THSD4: variants seen among roughly 807,000 people sequenced by gnomAD.
THSD4 encodes thrombospondin type-1 domain-containing protein 4.
Under a neutral mutation model 119.0 loss-of-function variants are expected in THSD4, and 69 were observed. The observed-to-expected ratio is 0.58, with a 90% CI of 0.48 to 0.71. The LOEUF (loss-of-function observed/expected upper bound fraction) is 0.71, where lower values mean the gene tolerates loss of function less well. Ranked by LOEUF, THSD4 falls within the 30% of genes least tolerant of loss-of-function variation. The probability of loss-of-function intolerance (pLI) is 0.00; values close to 1 mark genes in which losing one functional copy is unlikely to be tolerated. For missense variants in THSD4, 1,393 were observed against 1,391.1 expected (o/e 1.00, Z -0.02); for synonymous variants, 524 against 540.4 (o/e 0.97, Z 0.42).
chr15:71,552,639 A>G (rs2048950128), intron 7 of THSD4, among the ~76,000 whole-genome samples: 1 of 152,176 alleles, frequency 6.6e-6, no homozygotes, highest in African/African-American at 2.4e-5. Context: ...GACTTTTCTC[A>G]TTTAAATGTT....
intron 6 of THSD4, among the ~76,000 whole-genome samples, chr15:71,277,142 T>TTTTTTTTTTTTTTTG (rs59124781): frequency 3.3e-5 from 5 of 150,078 alleles, no homozygotes; most frequent in African/African-American, 9.9e-5. Flanking sequence ...TTTTTTTTTT[T>TTTTTTTTTTTTTTTG]GAAACGGAGT....
chr15:71,739,338 A>T (rs546475862), intron 11 of THSD4, among the ~76,000 whole-genome samples: 2 of 152,312 alleles, frequency 1.3e-5, no homozygotes, highest in East Asian at 1.9e-4. Flanking sequence ...CTCTCCAAAC[A>T]AAAGAAAAGA....
intron 7 of THSD4, among the ~76,000 whole-genome samples, chr15:71,647,851 C>T (rs770720415): frequency 6.6e-5 from 10 of 152,112 alleles, no homozygotes; most frequent in Non-Finnish European, 1.3e-4. Context: ...AATCAAGAGA[C>T]GCTATAGGAG....
At chr15:71,733,235 C>T (rs1331706622) in intron 10 of THSD4, 1 of 152,214 alleles carries the variant, frequency 6.6e-6, no homozygotes, top group Non-Finnish European at 1.5e-5. Context: ...AGTTGGTAAG[C>T]AGGGGCATTG....
At chr15:71,547,004 C>G (rs993801411) in intron 7 of THSD4, among the ~76,000 whole-genome samples, 1 of 152,220 alleles carries the variant, frequency 6.6e-6, no homozygotes, top group Non-Finnish European at 1.5e-5. Flanking sequence ...CAATTCACTG[C>G]CTCCTCCCTG....
At chr15:71,174,115 T>TA (rs2043414256) in intron 3 of THSD4, among the ~76,000 whole-genome samples, 1 of 152,110 alleles carries the variant, frequency 6.6e-6, no homozygotes, top group South Asian at 2.1e-4. Flanking sequence ...TTTTGTGCCT[T>TA]AAAAAGACAC....
chr15:71,353,113 T>C (rs959052386), intron 6 of THSD4, among the ~76,000 whole-genome samples: 10 of 152,330 alleles, frequency 6.6e-5, no homozygotes, highest in Non-Finnish European at 1.5e-4. Flanking sequence ...TGAGGCTTCA[T>C]GTAGTGATCA....
intron 6 of THSD4, among the ~76,000 whole-genome samples, chr15:71,289,251 G>A (rs10438293): frequency 0.13 from 19,148 of 152,150 alleles, 1,282 homozygotes; most frequent in African/African-American, 0.17. Flanking sequence ...TCAGCCATGT[G>A]CAACCAGGAG....
intron 7 of THSD4, among the ~76,000 whole-genome samples, chr15:71,460,270 G>T (rs957307304): frequency 2.7e-5 from 4 of 148,500 alleles, no homozygotes; most frequent in African/African-American, 9.9e-5. Context: ...AATATAGGTA[G>T]ATAAGCAAGG....
chr15:71,747,013 G>A lies in THSD4; in HGVS notation c.2212G>A (p.Glu738Lys), dbSNP rs376870646. 2.6e-5 allele frequency: 42 copies of A among 1,611,996 alleles called. No homozygotes were observed. Among genetic ancestry groups the A allele is most frequent in the Non-Finnish European group, 3.1e-5 (36 of 1,179,720 alleles). ...TSTCQLKICS[E>K]WQIRTDWTSC... ...CACCTGCCAACTCAAGATCTGCAGC[G>A]AGTGGCAGATCCGGACCGACTGGAC... Residue 738 changes from glutamate to lysine, a missense_variant, in exon 13 of 18, where the codon GAG becomes AAG. By Grantham distance (56) the Glu-to-Lys change is moderately conservative (BLOSUM62 1). Coordinates refer to ENST00000261862, the MANE Select transcript of THSD4 (RefSeq NM_024817.3).
At chr15:71,735,974 T>C (rs1250155476) in intron 10 of THSD4, among the ~76,000 whole-genome samples, 3 of 143,246 alleles carry the variant, frequency 2.1e-5, no homozygotes, top group Admixed American at 1.4e-4. Flanking sequence ...CTCTCTCTCT[T>C]GCTCTCTGTC....
chr15:71,131,338 A>T (rs911108316), intron 1 of THSD4, among the ~76,000 whole-genome samples: 1 of 152,094 alleles, frequency 6.6e-6, no homozygotes, highest in African/African-American at 2.4e-5. Context: ...AAAGCAAACG[A>T]AAACAAGGTC....
chr15:71,419,048 T>G (rs1180279202), intron 7 of THSD4, among the ~76,000 whole-genome samples: 1 of 108,456 alleles, frequency 9.2e-6, no homozygotes, highest in Non-Finnish European at 2.0e-5. Flanking sequence ...TTTTATTTAT[T>G]TGAGTCTTCT....
intron 7 of THSD4, among the ~76,000 whole-genome samples, chr15:71,540,719 A>T (rs1312628520): frequency 9.0e-6 from 1 of 111,344 alleles, no homozygotes; most frequent in African/African-American, 3.4e-5. Flanking sequence ...GAGCCACTGC[A>T]CCTGGCCTCC....
intron 7 of THSD4, among the ~76,000 whole-genome samples, chr15:71,564,241 C>A (rs1043277996): frequency 1.3e-5 from 2 of 152,226 alleles, no homozygotes; most frequent in Admixed American, 1.3e-4. Flanking sequence ...AAGGTGGGTC[C>A]CCACTCCTAG....
chr15:71,661,628 T>C (rs1317831303), intron 8 of THSD4, among the ~76,000 whole-genome samples: 2 of 152,198 alleles, frequency 1.3e-5, no homozygotes, highest in South Asian at 4.2e-4. Flanking sequence ...ACTCCTGGCC[T>C]CAAGTGGTCT....
Position 71,215,046 on chromosome 15 carries a change from G to T in THSD4, c.111G>T (p.Arg37=). The change falls in exon 4 of 18, where the codon CGG becomes CGT. Residue 37 remains arginine (R), a synonymous_variant. Transcript: ENST00000261862. ...CTCTGTCTCCGCAGGTCCCGCAGCG[G>T]ATGGCGGCGGAGGGCGCCCCCGAGG... ...PSTQHRKVPQ[R]MAAEGAPEDD... 3.1e-6 allele frequency: 4 copies of T among 1,289,612 alleles called. No individual in the cohort carries two copies. The highest frequency in any genetic ancestry group is 3.9e-6 in the Non-Finnish European group (4 of 1,014,086). The allele number at this position is 1,289,612 out of a possible 1,614,324, so 79.9% of individuals were successfully genotyped here. A position where few individuals can be genotyped will look rare whatever the true frequency, so the allele number is the denominator to read the frequency against.
intron 7 of THSD4, among the ~76,000 whole-genome samples, chr15:71,623,655 G>A (rs543167230): frequency 4.6e-5 from 7 of 152,320 alleles, no homozygotes; most frequent in African/African-American, 1.7e-4. Flanking sequence ...GGAAGCAGTG[G>A]CTCACGCCTG....
At chr15:71,256,318 T>C (rs1401248601) in intron 5 of THSD4, among the ~76,000 whole-genome samples, 1 of 151,310 alleles carries the variant, frequency 6.6e-6, no homozygotes, top group East Asian at 2.0e-4. Context: ...CTACAAAAAA[T>C]ACAAAAATTA....
Sources: allele counts gnomAD v4.1 joint callset (sites outside exome capture counted in the v4.1 genomes callset), GRCh38; gene constraint gnomAD v4.1.1; transcripts MANE v1.5; gene names NCBI Gene and HGNC (gene_info 2026-07-23, HGNC 2026-07-21).